ABCA2: variants seen among roughly 807,000 people sequenced by gnomAD.
ABCA2 encodes the protein ATP-binding cassette sub-family A member 2.
Under a neutral mutation model 262.8 loss-of-function variants are expected in ABCA2, and 84 were observed. The observed-to-expected ratio is 0.32, with a 90% confidence interval of 0.27 to 0.38. The LOEUF is 0.38. Among genes scored for constraint, ABCA2 ranks in the 10% least tolerant of loss-of-function variants. The pLI is 1.00. For synonymous variants in ABCA2, 1,696 were observed against 1,502.9 expected, an observed-to-expected ratio of 1.13 and a Z score of -2.97; for missense variants, 2,662 against 3,405.9, an observed-to-expected ratio of 0.78 and a Z score of 5.44.
In ABCA2 at chr9:137,013,995, G is replaced by T; in HGVS notation, c.4284C>A (p.Arg1428=). 1 of 1,612,110 alleles carries T rather than the reference G, an allele frequency of 6.2e-7. No homozygotes were observed. The highest frequency in any genetic ancestry group is 2.2e-5 in the East Asian group (1 of 44,880). Residue 1428 remains arginine (R), a synonymous_variant, in exon 28 of 49, where the codon CGC becomes CGA. Transcript: ENST00000341511. ...EALSRVGQGS[R]KLDGGWLKVR... is the part of the protein sequence containing the mutation. ...CCTTCAGCCACCCGCCGTCCAGCTTGCGGCTGCCCTGGCCGACCCTCGACA... is the reference window on the plus strand; with the variant it reads ...CCTTCAGCCACCCGCCGTCCAGCTTTCGGCTGCCCTGGCCGACCCTCGACA...
intron 3 of ABCA2, chr9:137,023,634 C>T: frequency 2.9e-6 from 2 of 696,514 alleles, no homozygotes; most frequent in Non-Finnish European, 5.2e-6. Flanking sequence ...CCAGCTGTGC[C>T]TTTAGGTGGC....
In ABCA2 at chr9:137,010,667, G is replaced by C. The variant is rs754774965; in HGVS notation, c.6127C>G (p.Arg2043Gly). 5 of 1,445,546 alleles carry C rather than the reference G, an allele frequency of 3.5e-6. No homozygotes were observed. Among genetic ancestry groups the C allele is most frequent in the Non-Finnish European group, 4.6e-6 (5 of 1,077,004 alleles). The allele number at this position is 1,445,546 out of a possible 1,614,324, so 89.5% of individuals were successfully genotyped here. ...DVASERQRVL[R>G]GDADNDMVKI... ...ACCATGTCATTGTCGGCGTCTCCCC[G>C]GAGCACTCGCTGCCGCTCACTGGCC... is the stretch of plus-strand genomic sequence containing the variant. Residue 2043 changes from arginine (R) to glycine (G), a missense_variant, in exon 40 of 49, where the codon CGG becomes GGG. Physicochemically the swap from Arg to Gly is moderately radical, Grantham distance 125. Coordinates refer to ENST00000341511, the MANE Select transcript of ABCA2 (RefSeq NM_001606.5).
rs762183874 is a variant in ABCA2 at position 137,011,660 on chromosome 9, G to A, written c.5625C>T (p.Ala1875=). 1.0e-5 allele frequency: 16 copies of A among 1,554,356 alleles called. No homozygotes were observed. The highest frequency in any genetic ancestry group is 4.7e-5 in the South Asian group (4 of 84,378). Residue 1875 remains alanine, a synonymous_variant, in exon 36 of 49, where the codon GCC becomes GCT. Coordinates refer to ENST00000341511, the MANE Select transcript of ABCA2 (RefSeq NM_001606.5). This position sits in a 1 kb window ranked among gnomAD's most constrained non-coding sequence, Gnocchi z 8.8. ...PAYTSPTNFP[A]VLSLFLLYGW... Reference sequence around the variant, plus strand: ...CATAGAGCAGGAAGAGGGAGAGGACGGCAGGGAAGTTGGTGGGCGACGTGT... The same window carrying A: ...CATAGAGCAGGAAGAGGGAGAGGACAGCAGGGAAGTTGGTGGGCGACGTGT...
chr9:137,010,881 A>AAACCAGGC, intron 39 of ABCA2, 92 bp downstream of exon 39: 1 of 273,676 alleles, frequency 3.7e-6, no homozygotes, highest in Non-Finnish European at 6.3e-6. Context: ...CTCCTGCCCC[A>AAACCAGGC]TCCCTGCCCC....
rs1253353181 is a variant in ABCA2 at position 137,020,926 on chromosome 9, G to A, written c.1033C>T (p.Leu345=). 1.3e-6 allele frequency: 2 copies of A among 1,566,042 alleles called. No homozygotes were observed. Among genetic ancestry groups the A allele is most frequent in the Non-Finnish European group, 1.7e-6 (2 of 1,155,702 alleles). ...QDVDVLSALA[L]LLPQGACTGR... ...GTGCAGGCACCCTGGGGCAGTAGCA[G>A]GGCCAGGGCCGACAGGACATCCACA... The change falls in exon 9 of 49, where the codon CTG becomes TTG. Residue 345 remains leucine (L), a synonymous_variant. Transcript: ENST00000341511.
intron 24 of ABCA2, 76 bp from the exon 25 acceptor site, chr9:137,015,173 G>A (rs1831211815): frequency 4.1e-6 from 6 of 1,465,498 alleles, no homozygotes; most frequent in Non-Finnish European, 5.5e-6. Context: ...ACCCAACTGG[G>A]TCAAGATATG....
In ABCA2 at chr9:137,024,147, C is replaced by T. The variant is rs1236997726; in HGVS notation, c.156G>A (p.Lys52=). The T allele has an allele frequency of 6.2e-7, 1 of 1,608,938 alleles. No homozygotes were observed. Among genetic ancestry groups the T allele is most frequent in the African/African-American group, 1.3e-5 (1 of 74,894 alleles). ...LRQKKPTISV[K]EVSFYTAAPL... Reference sequence around the variant, plus strand: ...GGGGCCTCCTGCCGCACTCACCTTCCTTCACGGAGATGGTGGGCTTCTTCT... The same window carrying T: ...GGGGCCTCCTGCCGCACTCACCTTCTTTCACGGAGATGGTGGGCTTCTTCT... The change falls in exon 2 of 49, where the codon AAG becomes AAA. Residue 52 remains lysine (K), a synonymous_variant. Transcript: ENST00000341511.
In ABCA2 at chr9:137,009,560, C is replaced by G; in HGVS notation, c.6715G>C (p.Val2239Leu). Residue 2239 changes from valine to leucine, a missense_variant, in exon 44 of 49, where the codon GTG (valine) becomes CTG (leucine). This residue lies in a region of ABCA2 where 602 missense variants were observed against 897.4 expected (regional missense o/e 0.67). Transcript: ENST00000341511. ...ILDLIKTGRS[V>L]VLTSHSMEEC... Reference sequence around the variant, plus strand: ...CCTCACCTGTGTGATGTCAGCACCACTGAACGCCCTGTCTTGATGAGGTCA... The same window carrying G: ...CCTCACCTGTGTGATGTCAGCACCAGTGAACGCCCTGTCTTGATGAGGTCA... 1 of 1,612,870 alleles carries G rather than the reference C, an allele frequency of 6.2e-7. No individual in the cohort carries two copies. Among genetic ancestry groups the G allele is most frequent in the Non-Finnish European group, 8.5e-7 (1 of 1,179,912 alleles).
rs763597242 is a variant in ABCA2 at position 137,009,017 on chromosome 9, C to T, written c.6864G>A (p.Lys2288=). The T allele has an allele frequency of 1.2e-6, 2 of 1,609,112 alleles. No individual in the cohort carries two copies. Among genetic ancestry groups the T allele is most frequent in the East Asian group, 2.2e-5 (1 of 44,840 alleles). Reference sequence around the variant, plus strand: ...CCACGTCCTTCACACTCTGGCTGCTCTTGGTCCGCACCGTGATCATGTAGC... The same window carrying T: ...CCACGTCCTTCACACTCTGGCTGCTTTTGGTCCGCACCGTGATCATGTAGC... ...GDGYMITVRT[K]SSQSVKDVVR... The change falls in exon 46 of 49, where the codon AAG becomes AAA. Residue 2288 remains lysine, a synonymous_variant. Transcript: ENST00000341511.
rs1352359918 is a variant in ABCA2, at chr9:137,017,064, C to T, written c.2614G>A (p.Ala872Thr). Residue 872 changes from alanine to threonine, a missense_variant, in exon 19 of 49, where the codon GCC becomes ACC. By Grantham distance (58) the Ala-to-Thr change is moderately conservative (BLOSUM62 0). Coordinates refer to ENST00000341511, the MANE Select transcript of ABCA2 (RefSeq NM_001606.5). ...GTGTGCCACTGGATGCCCACGCCGGCCACCTCATACAGCGCGAAGTACTTA... is the reference window on the plus strand; with the variant it reads ...GTGTGCCACTGGATGCCCACGCCGGTCACCTCATACAGCGCGAAGTACTTA... ...GSKYFALYEV[A>T]GVGIQWHTFS... is the part of the protein sequence containing the mutation. The T allele has an allele frequency of 1.2e-6, 2 of 1,612,658 alleles. No individual in the cohort carries two copies. The highest frequency in any genetic ancestry group is 1.7e-6 in the Non-Finnish European group (2 of 1,179,998).
chr9:137,013,395 C>T (rs2131440256), intron 29 of ABCA2, 66 bp downstream of exon 29: 4 of 1,542,882 alleles, frequency 2.6e-6, no homozygotes, highest in African/African-American at 1.3e-5. Flanking sequence ...CCGCCTGGCC[C>T]ACCAAGGCTG....
Position 137,014,235 on chromosome 9 carries a change from G to C in ABCA2, c.4173C>G (p.Thr1391=). 1 of 1,610,102 alleles carries C rather than the reference G, an allele frequency of 6.2e-7. No homozygotes were observed. ...SARGDEGAGY[T]DVYGDYRPLF... ...GGGGGCGGTAGTCGCCATAGACGTC[G>C]GTGTAGCCAGCTCCCTCGTCGCCAC... The change falls in exon 27 of 49, where the codon ACC becomes ACG. Residue 1391 remains threonine, a synonymous_variant. Coordinates refer to ENST00000341511, the MANE Select transcript of ABCA2 (RefSeq NM_001606.5).
Position 137,008,600 on chromosome 9 carries a change from T to C in ABCA2, c.7091A>G (p.Lys2364Arg), listed in dbSNP as rs1830916535. ...CTGCTGCTCCAGGTTGTCACTCTGC[T>C]TCTTGGCAAAGTTCACGAACACCTG... is the stretch of plus-strand genomic sequence containing the variant. ...LDNVFVNFAKKQSDNLEQQET... is the reference protein window; with the variant it reads ...LDNVFVNFAKRQSDNLEQQET... Residue 2364 changes from lysine (K) to arginine (R), a missense_variant, in exon 48 of 49, where the codon AAG (lysine) becomes AGG (arginine). Coordinates refer to ENST00000341511, the MANE Select transcript of ABCA2 (RefSeq NM_001606.5). The C allele has an allele frequency of 6.2e-7, 1 of 1,609,736 alleles. No individual in the cohort carries two copies. Among genetic ancestry groups the C allele is most frequent in the South Asian group, 1.1e-5 (1 of 90,322 alleles).
chr9:137,017,842 G>T lies in ABCA2; in HGVS notation c.2156C>A (p.Ser719Tyr). 6.2e-7 allele frequency: 1 copy of T among 1,612,614 alleles called. No homozygotes were observed. The highest frequency in any genetic ancestry group is 8.5e-7 in the Non-Finnish European group (1 of 1,179,860). ...PLCMVISWVY[S>Y]VAMTIQHIVA... ...GATGTGCTGGATGGTCATGGCCACGGAGTAGACCCAGGAGATCACCATGCA... is the reference window on the plus strand; with the variant it reads ...GATGTGCTGGATGGTCATGGCCACGTAGTAGACCCAGGAGATCACCATGCA... The change falls in exon 16 of 49, where the codon TCC becomes TAC. Residue 719 changes from serine (S) to tyrosine (Y), a missense_variant. Ser to Tyr is a moderately radical substitution (Grantham distance 144). Coordinates refer to ENST00000341511, the MANE Select transcript of ABCA2 (RefSeq NM_001606.5).
Position 137,015,723 on chromosome 9 carries a change from G to A in ABCA2, c.3466C>T (p.Pro1156Ser). 2 of 1,611,642 alleles carry A rather than the reference G, an allele frequency of 1.2e-6. No homozygotes were observed. Among genetic ancestry groups the A allele is most frequent in the South Asian group, 1.1e-5 (1 of 91,008 alleles). ...ILDEPTAGVD[P>S]YARRAIWDLI... is the part of the protein sequence containing the mutation. Reference sequence around the variant, plus strand: ...TCCCAGATGGCGCGGCGCGCGTAGGGGTCCACGCCCGCCGTGGGCTCGTCC... The same window carrying A: ...TCCCAGATGGCGCGGCGCGCGTAGGAGTCCACGCCCGCCGTGGGCTCGTCC... Residue 1156 changes from proline to serine, a missense_variant, in exon 23 of 49, where the codon CCC becomes TCC. Pro to Ser is a moderately conservative substitution (Grantham distance 74). This residue lies in a region of ABCA2 where 180 missense variants were observed against 307.3 expected (regional missense o/e 0.59). Transcript: ENST00000341511.
Position 137,019,128 on chromosome 9 carries a change from G to C in ABCA2, c.1554+50C>G. ...TGCGCCTGCCGAGCCGGGCAGAGAG[G>C]GGCTCCCCACACCACCCACAGCCGC... is the stretch of plus-strand genomic sequence containing the variant. On this transcript the variant is annotated intron_variant, in intron 11 of 48. Coordinates refer to ENST00000341511, the MANE Select transcript of ABCA2 (RefSeq NM_001606.5). This position sits in a 1 kb window ranked among gnomAD's most constrained non-coding sequence, Gnocchi z 4.4. 1 of 1,603,678 alleles carries C rather than the reference G, an allele frequency of 6.2e-7. No individual in the cohort carries two copies. Among genetic ancestry groups the C allele is most frequent in the Admixed American group, 1.7e-5 (1 of 59,668 alleles).
At chr9:137,024,577 G>A (rs1441543916) in intron 1 of ABCA2, among the ~76,000 whole-genome samples, 1 of 152,176 alleles carries the variant, frequency 6.6e-6, no homozygotes, top group African/African-American at 2.4e-5. Context: ...CACCTCCAGG[G>A]CTACCTGGGC....
chr9:137,016,668 T>C lies in ABCA2; in HGVS notation c.2829A>G (p.Thr943=), dbSNP rs758632311. Residue 943 remains threonine (T), a synonymous_variant, in exon 20 of 49, where the codon ACA becomes ACG. Coordinates refer to ENST00000341511, the MANE Select transcript of ABCA2 (RefSeq NM_001606.5). ...ACGGCCAGCTCCACTCCCAGGCTTC[T>C]GTCCGCCCACTGCCCAGCCAGTAGG... The part of the protein sequence containing the change: ...QKSYWLGSGR[T]EAWEWSWPWA... 8 of 1,601,834 alleles carry C rather than the reference T, an allele frequency of 5.0e-6. No homozygotes were observed. The highest frequency in any genetic ancestry group is 6.8e-6 in the Non-Finnish European group (8 of 1,174,528).
rs1421756711 is a variant in ABCA2, at chr9:137,022,978, G to A, written c.238C>T (p.Arg80Ter). ...VMQSLCPDGQ[R>*]DEFGFLQYAN... Reference sequence around the variant, plus strand: ...TACTGCAGGAAGCCGAACTCGTCTCGCTGGCCGTCCGGGCACAGCGATTGC... The same window carrying A: ...TACTGCAGGAAGCCGAACTCGTCTCACTGGCCGTCCGGGCACAGCGATTGC... Residue 80 changes from arginine (R) to a stop codon, truncating the protein, a stop_gained, in exon 4 of 49, where the codon CGA becomes TGA. Coordinates refer to ENST00000341511, the MANE Select transcript of ABCA2 (RefSeq NM_001606.5). LOFTEE classifies it high-confidence loss of function. 1.3e-6 allele frequency: 2 copies of A among 1,590,842 alleles called. No individual in the cohort carries two copies. Among genetic ancestry groups the A allele is most frequent in the Non-Finnish European group, 8.5e-7 (1 of 1,169,788 alleles).
Sources: gnomAD v4.1 joint callset for allele counts (sites outside exome capture counted in the v4.1 genomes callset) on GRCh38, gnomAD v4.1.1 for gene constraint, gnomAD v4.1.1 regional missense constraint, Gnocchi (gnomAD v3.1) non-coding constraint, MANE v1.5 for transcripts, NCBI Gene and HGNC (gene_info 2026-07-23, HGNC 2026-07-21) for gene names.